The following GATA3 variants were observed in gnomAD, a reference collection of about 807,000 sequenced individuals.
The protein encoded by GATA3 is trans-acting T-cell-specific transcription factor GATA-3.
A neutral mutation model predicts 36.0 loss-of-function variants in GATA3; 6 were observed. That is an observed-to-expected ratio of 0.17 (90% CI 0.09 to 0.33). The LOEUF is 0.33. Among genes scored for constraint, GATA3 ranks in the 10% least tolerant of loss-of-function variants. The pLI, the probability that GATA3 is intolerant of heterozygous loss-of-function variation, is 1.00. For missense variants in GATA3, 514 were observed against 610.1 expected (o/e 0.84, Z 1.66); for synonymous variants, 326 against 273.0 (o/e 1.19, Z -1.92).
chr10:8,055,329 C>G lies in GATA3; in HGVS notation c.-327C>G. The G allele has an allele frequency of 2.1e-6, 1 of 468,794 alleles. No homozygotes were observed. The highest frequency in any genetic ancestry group is 2.2e-5 in the South Asian group (1 of 44,840). 29.0% of individuals were successfully genotyped at this position (468,794 alleles called of 1,614,324 possible). On this transcript the variant is annotated 5_prime_UTR_variant, in exon 2 of 6. Coordinates refer to ENST00000379328, the MANE Select transcript of GATA3 (RefSeq NM_001002295.2). The surrounding 1 kb of genome is among the most constrained non-coding windows in gnomAD (Gnocchi z 5.4). ...TCCGCCTCCGAGCGGCTGAGGACCCCGGTGCAGAGGAGCCTGGCTCGCAGA... is the reference window on the plus strand; with the variant it reads ...TCCGCCTCCGAGCGGCTGAGGACCCGGGTGCAGAGGAGCCTGGCTCGCAGA...
At chr10:8,072,857 C>A (rs1379263943) in intron 5 of GATA3, among the ~76,000 whole-genome samples, 1 of 152,118 alleles carries the variant, frequency 6.6e-6, no homozygotes, top group Non-Finnish European at 1.5e-5. Flanking sequence ...GGCAAGAGAT[C>A]ACTTTTGGGC....
rs2131483371 is a variant in GATA3, at chr10:8,055,933, G to A, written c.241+37G>A. On this transcript the variant is annotated intron_variant, in intron 2 of 5. Transcript: ENST00000379328. The surrounding 1 kb of genome is among the most constrained non-coding windows in gnomAD (Gnocchi z 5.4). Reference sequence around the variant, plus strand: ...CGGGGTGCCGGGGCTCCCGCCGGCCGCTTCAGCCGTCCCGGCTCGGGGAGG... The same window carrying A: ...CGGGGTGCCGGGGCTCCCGCCGGCCACTTCAGCCGTCCCGGCTCGGGGAGG... 1 of 1,549,930 alleles carries A rather than the reference G, an allele frequency of 6.5e-7. No homozygotes were observed. The highest frequency in any genetic ancestry group is 1.2e-5 in the South Asian group (1 of 84,000).
chr10:8,047,332 G>A (rs1182045775), intron 1 of GATA3, among the ~76,000 whole-genome samples: 1 of 152,202 alleles, frequency 6.6e-6, no homozygotes, highest in African/African-American at 2.4e-5. Context: ...TAAGGAGTGT[G>A]GGGCAGATCC....
chr10:8,047,624 C>A (rs1211061604), intron 1 of GATA3, among the ~76,000 whole-genome samples: 1 of 152,194 alleles, frequency 6.6e-6, no homozygotes, highest in Non-Finnish European at 1.5e-5. Context: ...GAGGTGGGTG[C>A]GGCAGCGGGC....
At chr10:8,064,438 G>C (rs1268239503) in intron 4 of GATA3, among the ~76,000 whole-genome samples, 1 of 151,424 alleles carries the variant, frequency 6.6e-6, no homozygotes, top group Non-Finnish European at 1.5e-5. Flanking sequence ...CAAATCTGCA[G>C]TGTATTCCTG....
chr10:8,073,554 ATT>A (rs1470244668), intron 5 of GATA3, among the ~76,000 whole-genome samples, 183 bp from the exon 6 acceptor site: 1 of 152,040 alleles, frequency 6.6e-6, no homozygotes, highest in African/African-American at 2.4e-5. Flanking sequence ...AACTGTATGT[ATT>A]TTAGTTCTTC....
At chr10:8,060,740 C>T (rs1359212293) in intron 3 of GATA3, among the ~76,000 whole-genome samples, 1 of 152,120 alleles carries the variant, frequency 6.6e-6, no homozygotes, top group Non-Finnish European at 1.5e-5. Context: ...TTTCTTTCCT[C>T]TCATTTCTTT....
Position 8,075,151 on chromosome 10 carries a change from G to A in GATA3, c.*1128G>A. 1 of 231,696 alleles carries A rather than the reference G, an allele frequency of 4.3e-6. No homozygotes were observed. Among genetic ancestry groups the A allele is most frequent in the Non-Finnish European group, 8.5e-6 (1 of 117,114 alleles). 14.4% of individuals were successfully genotyped at this position (231,696 alleles called of 1,614,324 possible). On this transcript the variant is annotated 3_prime_UTR_variant, in exon 6 of 6. Transcript: ENST00000379328. ...ATCACTGCCTTTAATACAGTCTGTT[G>A]GAATAATATTATAAGCATAATAATA...
chr10:8,065,320 C>G (rs1438356819), intron 4 of GATA3, among the ~76,000 whole-genome samples: 1 of 138,902 alleles, frequency 7.2e-6, no homozygotes, highest in Non-Finnish European at 1.5e-5. Flanking sequence ...TGCAGTGGCA[C>G]GATCTCGGCT....
At position 8,063,870 on chromosome 10, in the gene GATA3, C is replaced by T. The variant is rs202057683; in HGVS notation, c.779-123C>T. On this transcript the variant is annotated intron_variant, in intron 3 of 5. Coordinates refer to ENST00000379328, the MANE Select transcript of GATA3 (RefSeq NM_001002295.2). ...GAAAGAGGTGGGGGTGGACACGCTC[C>T]CCAAAAGAGGAGGGAGAAGGAAAAA... 7.8e-5 allele frequency: 106 copies of T among 1,355,408 alleles called. 1 individual carries two copies. The East Asian group carries it at 2.3e-3, about 29-fold the overall frequency. 84.0% of individuals were successfully genotyped at this position (1,355,408 alleles called of 1,614,324 possible). A position where few individuals can be genotyped will look rare whatever the true frequency, so the allele number is the denominator to read the frequency against.
At chr10:8,060,309 G>A (rs3802604) in intron 3 of GATA3, among the ~76,000 whole-genome samples, 78,624 of 152,046 alleles carry the variant, frequency 0.52, 22,393 homozygotes, top group South Asian at 0.68. Flanking sequence ...AAGTAGGCAG[G>A]AGGGAGAGGG....
rs776627910 is a variant in GATA3 at position 8,055,626 on chromosome 10, C to A, written c.-30C>A. On this transcript the variant is annotated 5_prime_UTR_variant, in exon 2 of 6. Transcript: ENST00000379328. The surrounding 1 kb of genome is among the most constrained non-coding windows in gnomAD (Gnocchi z 5.4). ...CCTCCCCGCGCGCGGGTTCCGGGCCCGGCGAGAGGGCGCGAGCACAGCCGA... is the reference window on the plus strand; with the variant it reads ...CCTCCCCGCGCGCGGGTTCCGGGCCAGGCGAGAGGGCGCGAGCACAGCCGA... 51 of 1,543,472 alleles carry A rather than the reference C, an allele frequency of 3.3e-5. No homozygotes were observed. The East Asian group carries it at 1.2e-3, about 36-fold the overall frequency.
chr10:8,070,180 T>C (rs528778), intron 5 of GATA3, among the ~76,000 whole-genome samples: 123,346 of 152,184 alleles, frequency 0.81, 50,073 homozygotes, highest in East Asian at 0.95. Context: ...CTTTCACGTG[T>C]AGAGAGCTAG....
chr10:8,066,012 C>G (rs1278200307), intron 4 of GATA3, among the ~76,000 whole-genome samples: 3 of 103,598 alleles, frequency 2.9e-5, no homozygotes, highest in Non-Finnish European at 6.2e-5. Flanking sequence ...AAAAAAACAA[C>G]AAACAAAAAC....
intron 4 of GATA3, among the ~76,000 whole-genome samples, chr10:8,068,870 A>G (rs1253972497): frequency 6.6e-6 from 1 of 152,244 alleles, no homozygotes; most frequent in East Asian, 1.9e-4. Context: ...ACACACTTGC[A>G]CAGACATTCT....
At position 8,056,199 on chromosome 10, in the gene GATA3, TG is replaced by T. The variant is rs576789897; in HGVS notation, c.241+309del. On this transcript the variant is annotated intron_variant, in intron 2 of 5. Coordinates refer to ENST00000379328, the MANE Select transcript of GATA3 (RefSeq NM_001002295.2). ...CTCTGCGCGGCTGCAGGTTTTGGGG[TG>T]GGGGGTCTCGGGATGTCCCCAAGCG... 4.6e-3 allele frequency among the ~76,000 whole-genome samples: 694 copies of T among 151,782 alleles called. 2 individuals carry two copies. The highest frequency in any genetic ancestry group is 0.02 in the Middle Eastern group (6 of 294).
rs751874713 is a variant in GATA3 at position 8,069,510 on chromosome 10, G to C, written c.962G>C (p.Cys321Ser). The change falls in exon 5 of 6, where the codon TGT (cysteine) becomes TCT (serine). Residue 321 changes from cysteine (C) to serine (S), a missense_variant. This residue lies in a region of GATA3 where 44 missense variants were observed against 151.5 expected (regional missense o/e 0.29). Transcript: ENST00000379328. ...AGAGCAGGGACGTCCTGTGCGAACT[G>C]TCAGACCACCACAACCACACTCTGG... The part of the protein sequence containing the change: ...ARRAGTSCAN[C>S]QTTTTTLWRR... 6.2e-7 allele frequency: 1 copy of C among 1,613,822 alleles called. No individual in the cohort carries two copies. Among genetic ancestry groups the C allele is most frequent in the Non-Finnish European group, 8.5e-7 (1 of 1,179,984 alleles).
intron 4 of GATA3, among the ~76,000 whole-genome samples, chr10:8,064,768 G>C (rs1422727867): frequency 6.7e-6 from 1 of 149,424 alleles, no homozygotes; most frequent in Non-Finnish European, 1.5e-5. Context: ...CAATTCCTAT[G>C]GGAAACGTCG....
chr10:8,049,239 A>T (rs1406121157), upstream of GATA3, among the ~76,000 whole-genome samples: 1 of 152,130 alleles, frequency 6.6e-6, no homozygotes, highest in Non-Finnish European at 1.5e-5. Context: ...TGGGCGTGGG[A>T]GCCGCGAGGA....
Sources: gnomAD v4.1 joint callset for allele counts (sites outside exome capture counted in the v4.1 genomes callset) on GRCh38, gnomAD v4.1.1 for gene constraint, gnomAD v4.1.1 regional missense constraint, Gnocchi (gnomAD v3.1) non-coding constraint, MANE v1.5 for transcripts, NCBI Gene and HGNC (gene_info 2026-07-23, HGNC 2026-07-21) for gene names.